SUPT3H: variants seen among roughly 807,000 people sequenced by gnomAD.
SUPT3H encodes the protein transcription initiation protein SPT3 homolog.
Under a neutral mutation model 44.3 loss-of-function variants are expected in SUPT3H, and 44 were observed. That is an observed-to-expected ratio of 0.99 (90% CI 0.78 to 1.28). The LOEUF is 1.28. SUPT3H is among the 50% of genes most tolerant of loss of function. The pLI is 0.00. For missense variants in SUPT3H, 380 were observed against 387.1 expected, an observed-to-expected ratio of 0.98 and a Z score of 0.15; for synonymous variants, 124 against 125.6, an observed-to-expected ratio of 0.99 and a Z score of 0.09.
chr6:45,015,197 A>G (rs970660310), intron 4 of SUPT3H, among the ~76,000 whole-genome samples: 7 of 152,162 alleles, frequency 4.6e-5, no homozygotes, highest in Admixed American at 3.9e-4. Flanking sequence ...TTTTGTGAAC[A>G]TCACTGAATA....
At chr6:44,845,915 C>G (rs1431108785) in intron 10 of SUPT3H, among the ~76,000 whole-genome samples, 1 of 152,236 alleles carries the variant, frequency 6.6e-6, no homozygotes, top group Non-Finnish European at 1.5e-5. Flanking sequence ...ACAGAAAGCC[C>G]TCTGTCCTTG....
At chr6:45,015,275 T>C (rs938393262) in intron 4 of SUPT3H, among the ~76,000 whole-genome samples, 7 of 152,132 alleles carry the variant, frequency 4.6e-5, no homozygotes, top group Admixed American at 3.3e-4. Flanking sequence ...CTACTATTCA[T>C]GGGCTACAAA....
intron 6 of SUPT3H, among the ~76,000 whole-genome samples, chr6:44,990,296 G>T (rs988047732): frequency 6.6e-6 from 1 of 151,974 alleles, no homozygotes; most frequent in African/African-American, 2.4e-5. Context: ...GACCACATGC[G>T]TGTAGGTTTA....
intron 10 of SUPT3H, among the ~76,000 whole-genome samples, chr6:44,897,138 C>T (rs1225962785): frequency 6.6e-6 from 1 of 152,124 alleles, no homozygotes; most frequent in African/African-American, 2.4e-5. Flanking sequence ...AACTGAAGGC[C>T]AAGTAGATTA....
In SUPT3H at chr6:45,225,380, C is replaced by T. The variant is rs1045294526; in HGVS notation, c.102-119374G>A. On this transcript the variant is annotated intron_variant, in intron 2 of 10. Transcript: ENST00000371459. ...GGACAAAAGAACATTTAGGCAAATA[C>T]AGCTACTTCATTTAATCGACATTTT... is the stretch of plus-strand genomic sequence containing the variant. Among the ~76,000 whole-genome samples, 18 of 151,820 alleles carry T rather than the reference C, an allele frequency of 1.2e-4. No homozygotes were observed. In the East Asian group the frequency reaches 3.1e-3, roughly 26 times the overall value.
At chr6:44,924,367 T>C (rs1039711849) in intron 10 of SUPT3H, among the ~76,000 whole-genome samples, 8 of 152,082 alleles carry the variant, frequency 5.3e-5, no homozygotes, top group African/African-American at 1.9e-4. Context: ...ATCCATAACT[T>C]TGACTTCAAA....
At chr6:45,281,575 G>C (rs927548215) in intron 2 of SUPT3H, among the ~76,000 whole-genome samples, 1 of 152,320 alleles carries the variant, frequency 6.6e-6, no homozygotes, top group African/African-American at 2.4e-5. Flanking sequence ...CGCTTGAGTA[G>C]CTAAACAAAG....
At chr6:45,200,536 T>C (rs1241648755) in intron 2 of SUPT3H, among the ~76,000 whole-genome samples, 2 of 151,664 alleles carry the variant, frequency 1.3e-5, no homozygotes, top group East Asian at 3.9e-4. Context: ...ACAGATATCA[T>C]ATGCTAATAG....
At chr6:45,237,702 CTAAG>C (rs1484498603) in intron 2 of SUPT3H, among the ~76,000 whole-genome samples, 1 of 152,050 alleles carries the variant, frequency 6.6e-6, no homozygotes, top group East Asian at 1.9e-4. Context: ...ACAATGGCTG[CTAAG>C]TAAAGAGAAA....
intron 2 of SUPT3H, among the ~76,000 whole-genome samples, chr6:45,264,635 G>A (rs1206748062): frequency 1.3e-5 from 2 of 152,110 alleles, no homozygotes; most frequent in African/African-American, 4.8e-5. Flanking sequence ...ACCCTAAACT[G>A]TCTAGCCCTG....
At position 45,113,553 on chromosome 6, in the gene SUPT3H, G is replaced by A. The variant is rs76144863; in HGVS notation, c.102-7547C>T. ...TAGGTAAATCAAAATATCAAATAAG[G>A]CTGGGCGTGGTGGCTCAACCCCAGC... On this transcript the variant is annotated intron_variant, in intron 2 of 10. Coordinates refer to ENST00000371459, the MANE Select transcript of SUPT3H (RefSeq NM_003599.4). 3.9e-3 allele frequency among the ~76,000 whole-genome samples: 594 copies of A among 152,152 alleles called. 7 individuals carry two copies. Among genetic ancestry groups the A allele is most frequent in the African/African-American group, 0.014 (566 of 41,506 alleles).
chr6:44,980,952 T>C (rs932318297), intron 6 of SUPT3H, among the ~76,000 whole-genome samples: 1 of 152,222 alleles, frequency 6.6e-6, no homozygotes, highest in African/African-American at 2.4e-5. Flanking sequence ...TTTAATCTAT[T>C]CATACCTTAG....
chr6:45,052,597 A>G (rs1759047425), intron 3 of SUPT3H, among the ~76,000 whole-genome samples: 2 of 152,208 alleles, frequency 1.3e-5, no homozygotes. Context: ...ATTTAGCTAA[A>G]TTTAAAGCAA....
chr6:45,255,731 T>C (rs1305087400), intron 2 of SUPT3H, among the ~76,000 whole-genome samples: 1 of 152,164 alleles, frequency 6.6e-6, no homozygotes, highest in East Asian at 1.9e-4. Context: ...ACTAGGTAGA[T>C]ACTATTATTG....
chr6:45,217,111 A>G (rs1206683640), intron 2 of SUPT3H, among the ~76,000 whole-genome samples: 2 of 152,228 alleles, frequency 1.3e-5, no homozygotes, highest in African/African-American at 4.8e-5. Context: ...TTATGTGTTA[A>G]TGAAAAATAA....
chr6:45,365,643 C>G (rs1031266454), intron 1 of SUPT3H, among the ~76,000 whole-genome samples: 1 of 147,988 alleles, frequency 6.8e-6, no homozygotes, highest in Non-Finnish European at 1.5e-5. Context: ...TACGGTTCAT[C>G]AGCAATGCTT....
intron 2 of SUPT3H, among the ~76,000 whole-genome samples, chr6:45,182,453 G>C (rs1449314379): frequency 6.6e-6 from 1 of 151,984 alleles, no homozygotes; most frequent in Non-Finnish European, 1.5e-5. Flanking sequence ...GTAGAGATGG[G>C]GTTTCACCAC....
chr6:45,165,354 A>G (rs1022515068), intron 2 of SUPT3H, among the ~76,000 whole-genome samples: 3 of 152,044 alleles, frequency 2.0e-5, no homozygotes, highest in South Asian at 2.1e-4. Context: ...CTACTGATTG[A>G]CTCTACCACT....
At chr6:45,247,354 T>C (rs983179472) in intron 2 of SUPT3H, among the ~76,000 whole-genome samples, 3 of 152,178 alleles carry the variant, frequency 2.0e-5, no homozygotes, top group African/African-American at 7.2e-5. Flanking sequence ...TGTAACATGG[T>C]TATTTTGCCT....
Sources: gnomAD v4.1 joint callset for allele counts (sites outside exome capture counted in the v4.1 genomes callset) on GRCh38, gnomAD v4.1.1 for gene constraint, MANE v1.5 for transcripts, NCBI Gene and HGNC (gene_info 2026-07-23, HGNC 2026-07-21) for gene names.